Variants in CFAP69 observed in about 807,000 individuals in gnomAD.
The protein encoded by CFAP69 is cilia and flagella associated protein 69.
Under a neutral mutation model 123.0 loss-of-function variants are expected in CFAP69, and 92 were observed. The observed-to-expected ratio is 0.75, with a 90% CI of 0.63 to 0.89. The LOEUF is 0.89. CFAP69 is among the 40% of genes least tolerant of loss of function. CFAP69 has a pLI of 0.00. For missense variants in CFAP69, 1,067 were observed against 1,096.9 expected, an observed-to-expected ratio of 0.97 and a Z score of 0.39; for synonymous variants, 380 against 364.3, an observed-to-expected ratio of 1.04 and a Z score of -0.49.
chr7:90,315,629 A>G (rs1323354426), downstream of CFAP69, among the ~76,000 whole-genome samples: 3 of 152,198 alleles, frequency 2.0e-5, no homozygotes, highest in Non-Finnish European at 2.9e-5. Flanking sequence ...GAGGGAGAGG[A>G]TCAGGAAAAA....
intron 15 of CFAP69, among the ~76,000 whole-genome samples, chr7:90,294,146 A>G (rs1791592782): frequency 6.6e-6 from 1 of 152,138 alleles, no homozygotes; most frequent in Admixed American, 6.5e-5. Context: ...GGCTAATTTC[A>G]CATGTCCCCA....
At chr7:90,256,001 A>G (rs973259937) in intron 2 of CFAP69, among the ~76,000 whole-genome samples, 1 of 152,208 alleles carries the variant, frequency 6.6e-6, no homozygotes, top group African/African-American at 2.4e-5. Flanking sequence ...ATATGCACAC[A>G]TGCTCATATA....
chr7:90,279,637 G>A, intron 11 of CFAP69, 40 bp from the exon 12 acceptor site: 1 of 1,271,646 alleles, frequency 7.9e-7, no homozygotes, highest in Admixed American at 2.5e-5. Flanking sequence ...AGTATTTTTG[G>A]CTATGTTTCT....
At chr7:90,283,880 G>A (rs947107341) in intron 13 of CFAP69, among the ~76,000 whole-genome samples, 1 of 151,980 alleles carries the variant, frequency 6.6e-6, no homozygotes, top group Non-Finnish European at 1.5e-5. Flanking sequence ...GTGGAGTGGT[G>A]CTCTCCAATA....
At chr7:90,265,546 T>A (rs901294574) in intron 5 of CFAP69, among the ~76,000 whole-genome samples, 169 bp downstream of exon 5, 2 of 152,208 alleles carry the variant, frequency 1.3e-5, no homozygotes, top group Non-Finnish European at 2.9e-5. Flanking sequence ...TCTGGTATTG[T>A]ATTCTGTTCA....
intron 15 of CFAP69, among the ~76,000 whole-genome samples, chr7:90,290,760 CT>C: frequency 4.3e-5 from 1 of 23,074 alleles, no homozygotes; most frequent in South Asian, 1.4e-3. Context: ...CTTTTCTTTT[CT>C]TTTCTTTTCT....
Position 90,310,234 on chromosome 7 carries a change from C to T in CFAP69, c.2822C>T (p.Thr941Met), listed in dbSNP as rs376414901. ...GATGCACCAAAAAAGAGTATTCCTA[C>T]GTAATATACTATAGAGACTTTTTGA... ...IVDAPKKSIP[T>M] Residue 941 changes from threonine (T) to methionine (M), a missense_variant, in exon 23 of 23, where the codon ACG (threonine) becomes ATG (methionine). Thr to Met is a moderately conservative substitution (Grantham distance 81). Coordinates refer to ENST00000389297, the MANE Select transcript of CFAP69 (RefSeq NM_001039706.3). 293 of 1,611,642 alleles carry T rather than the reference C, an allele frequency of 1.8e-4. No homozygotes were observed. Among genetic ancestry groups the T allele is most frequent in the Non-Finnish European group, 2.4e-4 (278 of 1,178,562 alleles).
intron 9 of CFAP69, among the ~76,000 whole-genome samples, chr7:90,275,173 C>A (rs1470880391): frequency 6.6e-6 from 1 of 151,842 alleles, no homozygotes; most frequent in Non-Finnish European, 1.5e-5. Context: ...ATTTTTATTC[C>A]TTTTTATAGT....
intron 2 of CFAP69, among the ~76,000 whole-genome samples, chr7:90,257,581 A>T (rs1269434753): frequency 6.6e-6 from 1 of 152,190 alleles, no homozygotes; most frequent in East Asian, 1.9e-4. Context: ...CTATATCTCC[A>T]TGAGAACAAC....
chr7:90,298,452 A>G (rs1026752891), intron 16 of CFAP69, among the ~76,000 whole-genome samples: 8 of 152,202 alleles, frequency 5.3e-5, no homozygotes, highest in African/African-American at 1.9e-4. Context: ...TTTTGTTTCA[A>G]TAAAATTTTG....
At chr7:90,282,320 G>T (rs1789611267) in intron 12 of CFAP69, among the ~76,000 whole-genome samples, 1 of 152,148 alleles carries the variant, frequency 6.6e-6, no homozygotes, top group Non-Finnish European at 1.5e-5. Flanking sequence ...CTGCACTCTA[G>T]CCTGGGCAAC....
intron 12 of CFAP69, among the ~76,000 whole-genome samples, chr7:90,281,075 A>C (rs758188232): frequency 1.3e-5 from 2 of 152,220 alleles, no homozygotes; most frequent in Non-Finnish European, 2.9e-5. Flanking sequence ...AGAACCTACT[A>C]TCTGGTGAGC....
At position 90,294,399 on chromosome 7, in the gene CFAP69, TATTTG is replaced by T. The variant is rs1424210867; in HGVS notation, c.1776-3345_1776-3341del. ...TCTACTTTTTACTTTTCTGAAAAAA[TATTTG>T]ATTTAAGTTCTTCTTATTAATAAAC... On this transcript the variant is annotated intron_variant, in intron 15 of 22. Coordinates refer to ENST00000389297, the MANE Select transcript of CFAP69 (RefSeq NM_001039706.3). Among the ~76,000 whole-genome samples, 7 of 152,266 alleles carry T rather than the reference TATTTG, an allele frequency of 4.6e-5. 1 individual carries two copies. The highest frequency in any genetic ancestry group is 1.3e-4 in the Admixed American group (2 of 15,278).
rs1411041297 is a variant in CFAP69, at chr7:90,284,609, A to G, written c.1537+1553A>G. Among the ~76,000 whole-genome samples the G allele has an allele frequency of 3.3e-5, 5 of 152,176 alleles. No homozygotes were observed. In the East Asian group the frequency reaches 9.6e-4, roughly 29 times the overall value. On this transcript the variant is annotated intron_variant, in intron 13 of 22. Coordinates refer to ENST00000389297, the MANE Select transcript of CFAP69 (RefSeq NM_001039706.3). Reference sequence around the variant, plus strand: ...ACACTTAATGAGTAGGACAGAGTAAATGTTACAGAAACTAAGAGGCTTGGG... The same window carrying G: ...ACACTTAATGAGTAGGACAGAGTAAGTGTTACAGAAACTAAGAGGCTTGGG...
At chr7:90,245,584 G>C (rs1796227649) in intron 1 of CFAP69, 40 bp downstream of exon 1, 1 of 1,442,472 alleles carries the variant, frequency 6.9e-7, no homozygotes, top group African/African-American at 1.5e-5. Flanking sequence ...TGGAGGGGGT[G>C]GGAGTGAAGT....
intron 6 of CFAP69, among the ~76,000 whole-genome samples, chr7:90,269,100 G>C (rs1799586951): frequency 7.2e-6 from 1 of 138,042 alleles, no homozygotes; most frequent in Non-Finnish European, 1.6e-5. Context: ...AAAAAAAAAA[G>C]AAATTCAGGG....
At chr7:90,311,662 T>G (rs2117509813), downstream of CFAP69, among the ~76,000 whole-genome samples, 1 of 152,290 alleles carries the variant, frequency 6.6e-6, no homozygotes, top group South Asian at 2.1e-4. Flanking sequence ...TTTTCCATTA[T>G]CCTGTCTGTG....
At chr7:90,319,790 TA>T in the CFAP69 span, 2 of 398,258 alleles carry the variant, frequency 5.0e-6, no homozygotes, top group Non-Finnish European at 4.4e-6. Context: ...ATATTTAACT[TA>T]AAAAAGTTAT....
downstream of CFAP69, chr7:90,312,413 G>A (rs1338296115): frequency 6.6e-6 from 1 of 152,176 alleles, no homozygotes; most frequent in Non-Finnish European, 1.5e-5. Flanking sequence ...GTCTCAGATT[G>A]ATTAGGACTG....
Sources: allele counts gnomAD v4.1 joint callset (sites outside exome capture counted in the v4.1 genomes callset), GRCh38; gene constraint gnomAD v4.1.1; transcripts MANE v1.5; gene names NCBI Gene and HGNC (gene_info 2026-07-23, HGNC 2026-07-21).